LTBP1: variants seen among roughly 807,000 people sequenced by gnomAD.
LTBP1 encodes the protein latent-transforming growth factor beta-binding protein 1.
Under a neutral mutation model 207.6 loss-of-function variants are expected in LTBP1, and 129 were observed. That is an observed-to-expected ratio of 0.62 (90% CI 0.54 to 0.72). The LOEUF (loss-of-function observed/expected upper bound fraction) is 0.72. Among genes scored for constraint, LTBP1 ranks in the 30% least tolerant of loss-of-function variants. LTBP1 has a pLI of 0.00. For missense variants in LTBP1, 2,281 were observed against 2,217.2 expected (o/e 1.03, Z -0.58); for synonymous variants, 963 against 833.7 (o/e 1.16, Z -2.67).
rs984715575 is a variant in LTBP1 at position 33,061,898 on chromosome 2, C to T, written c.863+40692C>T. On this transcript the variant is annotated intron_variant, in intron 3 of 33. Coordinates refer to ENST00000404816, the MANE Select transcript of LTBP1 (RefSeq NM_206943.4). ...AAACTCTCAGATGTTTTTTCCAAAG[C>T]GGTTTATCATTTTATCTTTCTATTA... Among the ~76,000 whole-genome samples, 6 of 152,028 alleles carry T rather than the reference C, an allele frequency of 3.9e-5. No homozygotes were observed. The South Asian group carries it at 6.2e-4, about 16-fold the overall frequency.
At chr2:33,322,611 G>C (rs1251212327) in intron 24 of LTBP1, among the ~76,000 whole-genome samples, 1 of 152,130 alleles carries the variant, frequency 6.6e-6, no homozygotes, top group South Asian at 2.1e-4. Context: ...TACAAGCCAG[G>C]CACTATGCTA....
At chr2:33,192,086 C>T (rs2087956420) in intron 7 of LTBP1, among the ~76,000 whole-genome samples, 1 of 152,114 alleles carries the variant, frequency 6.6e-6, no homozygotes, top group Admixed American at 6.5e-5. Flanking sequence ...AGTAATTGAA[C>T]AGAGGAAAGA....
chr2:32,958,990 C>T (rs568081833), intron 2 of LTBP1, among the ~76,000 whole-genome samples: 1 of 152,258 alleles, frequency 6.6e-6, no homozygotes, highest in Admixed American at 6.5e-5. Flanking sequence ...TATGATTTTC[C>T]CTGTAATTTT....
At chr2:33,364,100 A>T in intron 29 of LTBP1, 116 bp from the exon 30 acceptor site, 2 of 929,044 alleles carry the variant, frequency 2.2e-6, no homozygotes. Flanking sequence ...GTGGTTAATT[A>T]AAATTTGGCA....
At chr2:32,971,546 A>G (rs932812232) in intron 2 of LTBP1, among the ~76,000 whole-genome samples, 2 of 152,142 alleles carry the variant, frequency 1.3e-5, no homozygotes, top group African/African-American at 4.8e-5. Context: ...ATCTATTGAG[A>G]TAATCATGTG....
intron 2 of LTBP1, among the ~76,000 whole-genome samples, chr2:32,963,265 C>T (rs547732551): frequency 1.0e-3 from 154 of 152,216 alleles, no homozygotes; most frequent in East Asian, 5.8e-4. Flanking sequence ...AGAGTAGTGG[C>T]GTGATCATAG....
intron 19 of LTBP1, among the ~76,000 whole-genome samples, chr2:33,283,561 T>TGA (rs1425939830): frequency 6.7e-6 from 1 of 149,286 alleles, no homozygotes; most frequent in Non-Finnish European, 1.5e-5. Flanking sequence ...CTCAGCCTCC[T>TGA]GAGTAACTGG....
chr2:33,236,139 T>A (rs2092037383), intron 9 of LTBP1, among the ~76,000 whole-genome samples: 1 of 152,250 alleles, frequency 6.6e-6, no homozygotes, highest in South Asian at 2.1e-4. Context: ...GAACTAAGAC[T>A]GCGGTCAACC....
chr2:33,336,763 AAGG>A (rs1396502488), intron 24 of LTBP1, among the ~76,000 whole-genome samples: 1 of 152,202 alleles, frequency 6.6e-6, no homozygotes, highest in Non-Finnish European at 1.5e-5. Context: ...AAAATAAGAG[AAGG>A]AGATGTTAAG....
intron 3 of LTBP1, among the ~76,000 whole-genome samples, chr2:33,074,547 G>A (rs1052483583): frequency 3.3e-5 from 5 of 152,074 alleles, no homozygotes; most frequent in East Asian, 1.9e-4. Context: ...GACCAGCCTC[G>A]CCAACGAAAA....
chr2:33,158,323 A>G (rs1220805701), intron 5 of LTBP1, among the ~76,000 whole-genome samples: 2 of 152,180 alleles, frequency 1.3e-5, no homozygotes, highest in Admixed American at 6.5e-5. Context: ...GTAGTTACAT[A>G]GAAGTAAGTA....
At chr2:33,146,433 G>A (rs1225224852) in intron 5 of LTBP1, among the ~76,000 whole-genome samples, 2 of 152,220 alleles carry the variant, frequency 1.3e-5, no homozygotes, top group Non-Finnish European at 2.9e-5. Flanking sequence ...TGGGCAGAGC[G>A]GAGGGTGGAA....
At chr2:32,960,103 G>A (rs1431937710) in intron 2 of LTBP1, among the ~76,000 whole-genome samples, 1 of 152,092 alleles carries the variant, frequency 6.6e-6, no homozygotes, top group African/African-American at 2.4e-5. Flanking sequence ...AATGATTCAA[G>A]GGTGAGGATA....
intron 2 of LTBP1, among the ~76,000 whole-genome samples, chr2:32,985,238 G>A (rs1366832869): frequency 1.3e-5 from 2 of 149,190 alleles, no homozygotes; most frequent in Non-Finnish European, 3.0e-5. Flanking sequence ...TTGGAACATG[G>A]GTTTTCCTTT....
chr2:33,250,855 C>G (rs2092662885), intron 10 of LTBP1, among the ~76,000 whole-genome samples: 1 of 152,172 alleles, frequency 6.6e-6, no homozygotes, highest in African/African-American at 2.4e-5. Flanking sequence ...CCTGTATATA[C>G]CACCTGTGGG....
At chr2:33,016,200 T>C (rs1055704456) in intron 2 of LTBP1, among the ~76,000 whole-genome samples, 8 of 151,740 alleles carry the variant, frequency 5.3e-5, no homozygotes, top group African/African-American at 1.7e-4. Flanking sequence ...GACAAGGAGG[T>C]GGGAATCCCA....
chr2:33,087,206 C>T (rs989280707), intron 3 of LTBP1, among the ~76,000 whole-genome samples: 1 of 148,462 alleles, frequency 6.7e-6, no homozygotes. Context: ...TCACGAGTAT[C>T]TGGGACTACA....
At chr2:33,183,662 C>A (rs1440176803) in intron 5 of LTBP1, among the ~76,000 whole-genome samples, 1 of 152,134 alleles carries the variant, frequency 6.6e-6, no homozygotes, top group African/African-American at 2.4e-5. Context: ...GTTATAAATT[C>A]TTTGTAGTAC....
intron 7 of LTBP1, among the ~76,000 whole-genome samples, chr2:33,194,173 G>A (rs1348023634): frequency 6.6e-6 from 1 of 152,020 alleles, no homozygotes; most frequent in Non-Finnish European, 1.5e-5. Flanking sequence ...TTTTATTAGA[G>A]ATGGGGTTTC....
Sources: gnomAD v4.1 joint callset for allele counts (sites outside exome capture counted in the v4.1 genomes callset) on GRCh38, gnomAD v4.1.1 for gene constraint, MANE v1.5 for transcripts, NCBI Gene and HGNC (gene_info 2026-07-23, HGNC 2026-07-21) for gene names.